Variants in DOCK2 observed in about 807,000 individuals in gnomAD.
The protein encoded by DOCK2 is dedicator of cytokinesis protein 2.
In DOCK2, 87 loss-of-function variants were observed where a neutral mutation model predicts 248.9. The ratio of observed to expected loss-of-function variants is 0.35; its 90% CI spans 0.29 to 0.42. The LOEUF is 0.42. DOCK2 is among the 10% of genes least tolerant of loss of function. The pLI, the probability that DOCK2 is intolerant of heterozygous loss-of-function variation, is 1.00. For missense variants in DOCK2, 1,747 were observed against 2,300.2 expected, an observed-to-expected ratio of 0.76 and a Z score of 4.92; for synonymous variants, 805 against 821.6, an observed-to-expected ratio of 0.98 and a Z score of 0.35.
intron 2 of DOCK2, among the ~76,000 whole-genome samples, chr5:169,657,117 G>A (rs1052085010): frequency 1.3e-5 from 2 of 152,086 alleles, no homozygotes; most frequent in South Asian, 2.1e-4. Flanking sequence ...CTCCTGGTAC[G>A]CAAATCATTA....
At chr5:169,816,600 C>A (rs1441922444) in intron 26 of DOCK2, among the ~76,000 whole-genome samples, 2 of 152,184 alleles carry the variant, frequency 1.3e-5, no homozygotes, top group African/African-American at 2.4e-5. Flanking sequence ...ACTCTCCCAC[C>A]AAACCTTCAT....
intron 26 of DOCK2, among the ~76,000 whole-genome samples, chr5:169,837,236 G>A (rs578233659): frequency 9.2e-5 from 14 of 152,296 alleles, no homozygotes; most frequent in Admixed American, 9.2e-4. Context: ...AGGCCATAAT[G>A]GGAAGACTGA....
rs373197319 is a variant in DOCK2 at position 169,712,164 on chromosome 5, C to T, written c.1600C>T (p.Leu534=). 19 of 1,613,978 alleles carry T rather than the reference C, an allele frequency of 1.2e-5. No homozygotes were observed. The highest frequency in any genetic ancestry group is 1.6e-5 in the Non-Finnish European group (19 of 1,179,974). Residue 534 remains leucine, a synonymous_variant, in exon 17 of 52, where the codon CTG becomes TTG. Transcript: ENST00000520908. ...GAACTTTGCCATGTCCTATGTGAAG[C>T]TGATGAAAGAAGATGGGACTACTCT... ...EKNFAMSYVK[L]MKEDGTTLHD...
Position 169,729,040 on chromosome 5 carries a change from AG to A in DOCK2, c.2267+10250del, listed in dbSNP as rs1439972153. Among the ~76,000 whole-genome samples, 3 of 152,198 alleles carry A rather than the reference AG, an allele frequency of 2.0e-5. No homozygotes were observed. The East Asian group carries it at 5.8e-4, about 29-fold the overall frequency. ...ATTGCTGGTTGAACCCTTGCCTGAG[AG>A]CAAAGATGGCTATTTCTGTCAAATG... is the stretch of plus-strand genomic sequence containing the variant. On this transcript the variant is annotated intron_variant, in intron 22 of 51. Transcript: ENST00000520908.
intron 25 of DOCK2, among the ~76,000 whole-genome samples, chr5:169,766,455 C>A (rs1396493891): frequency 6.6e-6 from 1 of 152,158 alleles, no homozygotes; most frequent in Admixed American, 6.5e-5. Flanking sequence ...ACCACATTTT[C>A]TTTATCCAGT....
At position 169,654,400 on chromosome 5, in the gene DOCK2, C is replaced by T. The variant is rs1304261363; in HGVS notation, c.44-3C>T. ...CCTAGCTGTCTTTCTTTCTGTTTCACAGCCATATACAACTTCCAAGGCAGC... is the reference window on the plus strand; with the variant it reads ...CCTAGCTGTCTTTCTTTCTGTTTCATAGCCATATACAACTTCCAAGGCAGC... On this transcript the variant is annotated splice_polypyrimidine_tract_variant and splice_region_variant and intron_variant, in intron 1 of 51. Transcript: ENST00000520908. 1.9e-6 allele frequency: 3 copies of T among 1,614,130 alleles called. No individual in the cohort carries two copies. Among genetic ancestry groups the T allele is most frequent in the South Asian group, 2.2e-5 (2 of 91,084 alleles).
chr5:169,799,105 A>G (rs1361906191), intron 25 of DOCK2, among the ~76,000 whole-genome samples: 2 of 152,192 alleles, frequency 1.3e-5, no homozygotes, highest in Non-Finnish European at 2.9e-5. Context: ...ACTCATTGTC[A>G]TCACCTGGAT....
intron 27 of DOCK2, among the ~76,000 whole-genome samples, chr5:169,908,713 C>CTTTTTTTTTTTTTTTTTT (rs34261104): frequency 9.5e-6 from 1 of 105,074 alleles, no homozygotes; most frequent in Non-Finnish European, 1.9e-5. Flanking sequence ...TTTCTTTTTT[C>CTTTTTTTTTTTTTTTTTT]TTTTTTTTTT....
chr5:170,082,838 T>C lies in DOCK2; in HGVS notation c.5473T>C (p.Ser1825Pro). The change falls in exon 52 of 52, where the codon TCG becomes CCG. Residue 1825 changes from serine (S) to proline (P), a missense_variant. This residue lies in a region of DOCK2 where 513 missense variants were observed against 586.1 expected (regional missense o/e 0.88). Transcript: ENST00000520908. ...SAEEGKQIPD[S>P]LSTDL ...TGAAGAAGGCAAACAGATCCCAGACTCGCTGTCCACGGACCTGTGAGCTGC... is the reference window on the plus strand; with the variant it reads ...TGAAGAAGGCAAACAGATCCCAGACCCGCTGTCCACGGACCTGTGAGCTGC... 6.2e-7 allele frequency: 1 copy of C among 1,614,164 alleles called. No individual in the cohort carries two copies. The highest frequency in any genetic ancestry group is 1.7e-5 in the Admixed American group (1 of 60,026).
At chr5:169,785,879 CA>C (rs921878559) in intron 25 of DOCK2, among the ~76,000 whole-genome samples, 18 of 151,392 alleles carry the variant, frequency 1.2e-4, no homozygotes, top group Non-Finnish European at 1.8e-4. Flanking sequence ...AATCTGGTGA[CA>C]AAAAAAAGAA....
intron 27 of DOCK2, among the ~76,000 whole-genome samples, chr5:169,959,184 A>G (rs1776981822): frequency 6.6e-6 from 1 of 152,052 alleles, no homozygotes; most frequent in African/African-American, 2.4e-5. Context: ...TGAGGTCAGG[A>G]CATTGAGACC....
At chr5:169,920,127 T>A (rs1775092003) in intron 27 of DOCK2, among the ~76,000 whole-genome samples, 1 of 152,156 alleles carries the variant, frequency 6.6e-6, no homozygotes, top group African/African-American at 2.4e-5. Flanking sequence ...CTTTTTGAGA[T>A]TTAGCGTCTC....
chr5:169,881,790 CG>C (rs1772670582), intron 27 of DOCK2, among the ~76,000 whole-genome samples: 1 of 152,166 alleles, frequency 6.6e-6, no homozygotes, highest in Non-Finnish European at 1.5e-5. Flanking sequence ...CTCTCCTATA[CG>C]GCAGTGCTGA....
At chr5:169,743,608 A>T (rs529727327) in intron 22 of DOCK2, among the ~76,000 whole-genome samples, 14 of 152,226 alleles carry the variant, frequency 9.2e-5, no homozygotes, top group African/African-American at 3.1e-4. Context: ...CCTTTTTATC[A>T]GGAATAAAAG....
intron 27 of DOCK2, among the ~76,000 whole-genome samples, chr5:169,963,050 G>A (rs1162884478): frequency 6.6e-6 from 1 of 152,184 alleles, no homozygotes; most frequent in Non-Finnish European, 1.5e-5. Flanking sequence ...TCTCTTTACA[G>A]TTACAGTTCC....
chr5:169,938,729 T>C (rs1776100076), intron 27 of DOCK2, among the ~76,000 whole-genome samples: 1 of 152,188 alleles, frequency 6.6e-6, no homozygotes, highest in Non-Finnish European at 1.5e-5. Context: ...AAAATATTTT[T>C]TCTTCATCAG....
chr5:169,749,223 T>C (rs1008531937), intron 23 of DOCK2, among the ~76,000 whole-genome samples: 4 of 152,234 alleles, frequency 2.6e-5, no homozygotes, highest in African/African-American at 7.2e-5. Flanking sequence ...GAGGCTAAAT[T>C]TGGCCCTTAG....
Position 169,897,610 on chromosome 5 carries a change from C to T in DOCK2, c.2799+56758C>T, listed in dbSNP as rs114758678. 5.4e-3 allele frequency among the ~76,000 whole-genome samples: 821 copies of T among 152,296 alleles called. 2 individuals carry two copies. Among genetic ancestry groups the T allele is most frequent in the Non-Finnish European group, 8.0e-3 (544 of 68,020 alleles). ...CCCTGTAATATTTCCAGAGACAGAA[C>T]CACAGCCCCATGGTTGAGAGCCTGG... On this transcript the variant is annotated intron_variant, in intron 27 of 51. Transcript: ENST00000520908.
intron 25 of DOCK2, among the ~76,000 whole-genome samples, chr5:169,785,860 A>G (rs1765953852): frequency 2.0e-5 from 3 of 151,950 alleles, no homozygotes; most frequent in Admixed American, 2.0e-4. Flanking sequence ...ATTTATTCTC[A>G]TTTAGAGGAA....
Sources: allele counts gnomAD v4.1 joint callset (sites outside exome capture counted in the v4.1 genomes callset), GRCh38; gene constraint gnomAD v4.1.1; regional missense constraint gnomAD v4.1.1; transcripts MANE v1.5; gene names NCBI Gene and HGNC (gene_info 2026-07-23, HGNC 2026-07-21).